The following NELL2 variants were observed in gnomAD, a reference collection of about 807,000 sequenced individuals.
NELL2 encodes neural EGFL like 2.
Under a neutral mutation model 109.6 loss-of-function variants are expected in NELL2, and 41 were observed. The observed-to-expected ratio is 0.37, with a 90% confidence interval of 0.29 to 0.49. The LOEUF (loss-of-function observed/expected upper bound fraction) is 0.49. NELL2 is among the 20% of genes least tolerant of loss of function. The pLI, the probability that NELL2 is intolerant of heterozygous loss-of-function variation, is 0.98. For synonymous variants in NELL2, 355 were observed against 344.7 expected, an observed-to-expected ratio of 1.03 and a Z score of -0.33; for missense variants, 900 against 1,008.3, an observed-to-expected ratio of 0.89 and a Z score of 1.45.
At chr12:44,908,202 C>A (rs575312922) in intron 1 of NELL2, among the ~76,000 whole-genome samples, 152 of 151,854 alleles carry the variant, frequency 1.0e-3, no homozygotes, top group African/African-American at 3.4e-3. Context: ...TGAAGTGAGA[C>A]CCATAAGCCT....
rs528098095 is a variant in NELL2 at position 44,633,831 on chromosome 12, T to C, written c.1445-22861A>G. 5.9e-5 allele frequency among the ~76,000 whole-genome samples: 9 copies of C among 152,268 alleles called. No homozygotes were observed. The East Asian group carries it at 1.7e-3, about 29-fold the overall frequency. On this transcript the variant is annotated intron_variant, in intron 13 of 19. Transcript: ENST00000429094. ...AACATATTTTGGAAAATGTGTTCAG[T>C]TGGCTGTCATTGTTGGTTTAAAAGA...
chr12:44,857,977 A>G (rs553433150), intron 2 of NELL2, among the ~76,000 whole-genome samples: 42 of 152,278 alleles, frequency 2.8e-4, no homozygotes, highest in Non-Finnish European at 5.1e-4. Flanking sequence ...ATCTGACTTT[A>G]GCTCCTACAC....
intron 15 of NELL2, among the ~76,000 whole-genome samples, chr12:44,590,576 T>C (rs1944707947): frequency 6.6e-6 from 1 of 152,206 alleles, no homozygotes; most frequent in Admixed American, 6.5e-5. Context: ...AAAAACCATT[T>C]CATAAAATAC....
chr12:44,623,844 G>C (rs936745625), intron 13 of NELL2, among the ~76,000 whole-genome samples: 2 of 152,068 alleles, frequency 1.3e-5, no homozygotes, highest in African/African-American at 4.8e-5. Flanking sequence ...TAAGCAACTG[G>C]ATGAAGCTGG....
chr12:44,791,960 A>C lies in NELL2; in HGVS notation c.336-11938T>G, dbSNP rs942328398. On this transcript the variant is annotated intron_variant, in intron 3 of 19. Transcript: ENST00000429094. ...ATTCCCTAGGGAATTATTACAGACA[A>C]AAAAAAAAAGGCACTTTGACATTTT... 8.4e-4 allele frequency among the ~76,000 whole-genome samples: 30 copies of C among 35,630 alleles called. No homozygotes were observed. The East Asian group carries it at 9.3e-3, about 11-fold the overall frequency. The allele number at this position is 35,630 out of a possible 152,430, so 23.4% of individuals were successfully genotyped here.
chr12:44,816,247 T>TA, intron 2 of NELL2, 111 bp from the exon 3 acceptor site: 1 of 869,606 alleles, frequency 1.1e-6, no homozygotes, highest in Non-Finnish European at 1.7e-6. Flanking sequence ...TAGCAGCTGA[T>TA]AAATACTGAG....
chr12:44,562,606 A>G (rs1943508704), intron 15 of NELL2, among the ~76,000 whole-genome samples: 1 of 152,254 alleles, frequency 6.6e-6, no homozygotes, highest in South Asian at 2.1e-4. Flanking sequence ...GCAAATCAAA[A>G]CCACAATGAG....
chr12:44,842,998 C>A (rs932398582), intron 2 of NELL2, among the ~76,000 whole-genome samples: 4 of 152,032 alleles, frequency 2.6e-5, no homozygotes, highest in South Asian at 2.1e-4. Context: ...TCTGGCCTTG[C>A]GTGAGAGAAT....
chr12:44,637,429 A>C (rs1946681671), intron 13 of NELL2, among the ~76,000 whole-genome samples: 1 of 148,082 alleles, frequency 6.8e-6, no homozygotes, highest in Admixed American at 7.1e-5. Flanking sequence ...TGTGGAGCTT[A>C]AAGTAATGAG....
intron 2 of NELL2, among the ~76,000 whole-genome samples, chr12:44,828,748 C>G (rs2136715957): frequency 6.6e-6 from 1 of 152,146 alleles, no homozygotes; most frequent in South Asian, 2.1e-4. Context: ...TATAATGTCT[C>G]TATGATTTGG....
chr12:44,822,264 G>A (rs1358565444), intron 2 of NELL2, among the ~76,000 whole-genome samples: 1 of 152,026 alleles, frequency 6.6e-6, no homozygotes, highest in East Asian at 1.9e-4. Context: ...GGATTATAAT[G>A]TTATTATTAT....
chr12:44,514,573 A>C (rs1463601132), intron 19 of NELL2, among the ~76,000 whole-genome samples: 1 of 151,562 alleles, frequency 6.6e-6, no homozygotes, highest in Non-Finnish European at 1.5e-5. Context: ...CCAACTTATA[A>C]ATTAAATTTT....
chr12:44,702,366 C>G (rs1485460265), intron 12 of NELL2, among the ~76,000 whole-genome samples: 2 of 152,064 alleles, frequency 1.3e-5, no homozygotes, highest in African/African-American at 4.8e-5. Flanking sequence ...GTTCAGGATG[C>G]AGTAGGTGCT....
intron 2 of NELL2, among the ~76,000 whole-genome samples, chr12:44,826,544 A>G (rs1943716805): frequency 6.6e-6 from 1 of 152,236 alleles, no homozygotes; most frequent in African/African-American, 2.4e-5. Flanking sequence ...TACTATATAC[A>G]AAGTTTCCGA....
At chr12:44,733,243 G>T (rs75363717) in intron 9 of NELL2, among the ~76,000 whole-genome samples, 4,023 of 152,018 alleles carry the variant, frequency 0.026, 176 homozygotes, top group African/African-American at 0.091. Flanking sequence ...ATCTCAAAGA[G>T]ATTTTTGTGC....
At position 44,791,150 on chromosome 12, in the gene NELL2, T is replaced by TAC. The variant is rs1171581926; in HGVS notation, c.336-11130_336-11129dup. Among the ~76,000 whole-genome samples, 84 of 53,532 alleles carry TAC rather than the reference T, an allele frequency of 1.6e-3. 5 individuals are homozygous for TAC. The East Asian group carries it at 0.025, about 16-fold the overall frequency. 35.1% of individuals were successfully genotyped at this position (53,532 alleles called of 152,430 possible). A position where few individuals can be genotyped will look rare whatever the true frequency, so the allele number is the denominator to read the frequency against. The stretch of plus-strand genomic sequence containing the variant: ...ATATATATATACACACGCACACACA[T>TAC]ACACACACACACACACATATATAGT... On this transcript the variant is annotated intron_variant, in intron 3 of 19. Transcript: ENST00000429094.
At chr12:44,610,790 G>A in intron 14 of NELL2, 58 bp downstream of exon 14, 1 of 1,607,708 alleles carries the variant, frequency 6.2e-7, no homozygotes, top group Admixed American at 1.7e-5. Context: ...TGTAGAGGAA[G>A]GTAGAGATGG....
At chr12:44,725,035 T>A (rs1938998437) in intron 9 of NELL2, among the ~76,000 whole-genome samples, 2 of 152,056 alleles carry the variant, frequency 1.3e-5, no homozygotes, top group Admixed American at 1.3e-4. Context: ...CCCTATTCAA[T>A]AAATGGTGCT....
intron 3 of NELL2, among the ~76,000 whole-genome samples, chr12:44,780,887 G>A (rs905423446): frequency 6.6e-6 from 1 of 152,108 alleles, no homozygotes; most frequent in Non-Finnish European, 1.5e-5. Context: ...TAACAAGATG[G>A]CACCCTCCCT....
Sources: allele counts gnomAD v4.1 joint callset (sites outside exome capture counted in the v4.1 genomes callset), GRCh38; gene constraint gnomAD v4.1.1; transcripts MANE v1.5; gene names NCBI Gene and HGNC (gene_info 2026-07-23, HGNC 2026-07-21).